LRP1B: variants seen among roughly 807,000 people sequenced by gnomAD.
LRP1B encodes LDL receptor related protein 1B, also known as low-density lipoprotein receptor-related protein 1B.
A neutral mutation model predicts 556.6 loss-of-function variants in LRP1B; 217 were observed. The observed-to-expected ratio is 0.39, with a 90% CI of 0.35 to 0.44. LRP1B has a LOEUF of 0.44. Ranked by LOEUF, LRP1B falls within the 20% of genes least tolerant of loss-of-function variation. The pLI is 1.00. For missense variants in LRP1B, 5,053 were observed against 5,620.8 expected (o/e 0.90, Z 3.23); for synonymous variants, 2,047 against 1,865.8 (o/e 1.10, Z -2.50).
chr2:140,720,978 G>A (rs1284276333), intron 35 of LRP1B, among the ~76,000 whole-genome samples: 1 of 152,000 alleles, frequency 6.6e-6, no homozygotes, highest in Non-Finnish European at 1.5e-5. Context: ...CATTTACCAT[G>A]AACATTTCAC....
intron 14 of LRP1B, among the ~76,000 whole-genome samples, chr2:141,011,204 G>GAA (rs10708669): frequency 4.2e-5 from 6 of 144,336 alleles, no homozygotes; most frequent in African/African-American, 1.5e-4. Context: ...TATCCATAGG[G>GAA]AAAAAAAAAA....
At chr2:140,730,049 A>G (rs1265782172) in intron 35 of LRP1B, among the ~76,000 whole-genome samples, 1 of 152,194 alleles carries the variant, frequency 6.6e-6, no homozygotes, top group African/African-American at 2.4e-5. Flanking sequence ...CTTCGTCCGT[A>G]TTCACCTAAC....
At chr2:141,574,629 T>G (rs1035766919) in intron 2 of LRP1B, among the ~76,000 whole-genome samples, 6 of 152,000 alleles carry the variant, frequency 3.9e-5, no homozygotes, top group Non-Finnish European at 5.9e-5. Context: ...GAGAAAGAAA[T>G]AAAGATTATT....
chr2:141,252,220 G>A lies in LRP1B; in HGVS notation c.463+2302C>T, dbSNP rs561461558. Among the ~76,000 whole-genome samples the A allele has an allele frequency of 8.0e-3, 1,102 of 137,430 alleles. 8 individuals are homozygous for A. The highest frequency in any genetic ancestry group is 0.013 in the Non-Finnish European group (829 of 63,636). The allele number at this position is 137,430 out of a possible 152,430, so 90.2% of individuals were successfully genotyped here. A position where few individuals can be genotyped will look rare whatever the true frequency, so the allele number is the denominator to read the frequency against. The stretch of plus-strand genomic sequence containing the variant: ...CCCCCCACCCCCTAAAAAAAAAAAG[G>A]AAAGAAAAGAAAAAGAGAAAGCTAC... On this transcript the variant is annotated intron_variant, in intron 4 of 90. Transcript: ENST00000389484.
chr2:140,502,102 G>T (rs1049184895), intron 54 of LRP1B, among the ~76,000 whole-genome samples: 1 of 151,952 alleles, frequency 6.6e-6, no homozygotes, highest in African/African-American at 2.4e-5. Flanking sequence ...GCTTGATCAT[G>T]AAAATTAATT....
intron 1 of LRP1B, among the ~76,000 whole-genome samples, chr2:141,822,352 A>T (rs1225106389): frequency 2.0e-5 from 3 of 152,132 alleles, no homozygotes; most frequent in Non-Finnish European, 4.4e-5. Flanking sequence ...TCAAAAGCCC[A>T]TTCAAATGAA....
intron 6 of LRP1B, among the ~76,000 whole-genome samples, chr2:141,193,248 A>AT (rs566614397): frequency 4.3e-4 from 66 of 152,118 alleles, no homozygotes; most frequent in African/African-American, 1.5e-3. Context: ...ACCCAGAGGA[A>AT]TATAAATCAT....
chr2:142,087,455 A>G (rs562604531), intron 1 of LRP1B, among the ~76,000 whole-genome samples: 2 of 151,964 alleles, frequency 1.3e-5, no homozygotes, highest in East Asian at 1.9e-4. Context: ...CTATTTCAGT[A>G]TGGACCTCCA....
At chr2:140,801,516 TACTTG>T (rs1301896700) in intron 32 of LRP1B, among the ~76,000 whole-genome samples, 2 of 151,808 alleles carry the variant, frequency 1.3e-5, no homozygotes, top group Non-Finnish European at 2.9e-5. Flanking sequence ...GGTAAAACAG[TACTTG>T]ACTTGAGTCA....
intron 7 of LRP1B, among the ~76,000 whole-genome samples, 186 bp downstream of exon 7, chr2:141,188,235 T>TA (rs1205372770): frequency 2.0e-5 from 3 of 152,000 alleles, no homozygotes; most frequent in African/African-American, 7.2e-5. Flanking sequence ...CATACACTAA[T>TA]AACTCACCAG....
chr2:140,970,304 G>C (rs1441322294), intron 18 of LRP1B, among the ~76,000 whole-genome samples: 1 of 152,030 alleles, frequency 6.6e-6, no homozygotes. Context: ...CTTTCTTCCA[G>C]TTGATCGAAT....
chr2:141,254,376 T>C (rs1684382016), intron 4 of LRP1B, 146 bp downstream of exon 4: 2 of 730,858 alleles, frequency 2.7e-6, no homozygotes, highest in South Asian at 1.8e-5. Context: ...TATGTTTTTG[T>C]TGGGGGGGCA....
At chr2:140,528,776 GA>G (rs952612429) in intron 47 of LRP1B, among the ~76,000 whole-genome samples, 46 of 148,614 alleles carry the variant, frequency 3.1e-4, no homozygotes, top group Admixed American at 2.0e-3. Flanking sequence ...ATCCTGTGAG[GA>G]AAAAAAAAAT....
At chr2:142,078,140 A>G (rs1037328421) in intron 1 of LRP1B, among the ~76,000 whole-genome samples, 1 of 152,262 alleles carries the variant, frequency 6.6e-6, no homozygotes, top group Admixed American at 6.5e-5. Context: ...ATATGCATAC[A>G]TCAGATTCAT....
intron 35 of LRP1B, among the ~76,000 whole-genome samples, chr2:140,754,151 A>G (rs1039176297): frequency 1.3e-5 from 2 of 152,222 alleles, no homozygotes; most frequent in African/African-American, 2.4e-5. Context: ...CAGAGTGTGC[A>G]GAGTTCAAGC....
At chr2:142,036,609 T>A (rs1703890635) in intron 1 of LRP1B, among the ~76,000 whole-genome samples, 1 of 151,688 alleles carries the variant, frequency 6.6e-6, no homozygotes, top group Non-Finnish European at 1.5e-5. Flanking sequence ...TTCTCTACAA[T>A]CTTATAAATT....
chr2:141,967,634 G>A (rs1333764259), intron 1 of LRP1B, among the ~76,000 whole-genome samples: 1 of 151,736 alleles, frequency 6.6e-6, no homozygotes, highest in Non-Finnish European at 1.5e-5. Flanking sequence ...CTATTGGTAG[G>A]AGATGAAAAC....
At chr2:140,303,011 TCA>T (rs1683899039) in intron 83 of LRP1B, among the ~76,000 whole-genome samples, 1 of 58,712 alleles carries the variant, frequency 1.7e-5, no homozygotes, top group South Asian at 7.3e-4. Flanking sequence ...TAAATCTCCT[TCA>T]TATATATATA....
intron 1 of LRP1B, among the ~76,000 whole-genome samples, chr2:141,908,521 C>T (rs1346802705): frequency 6.6e-6 from 1 of 151,902 alleles, no homozygotes; most frequent in Admixed American, 6.6e-5. Flanking sequence ...GTGCTGTGCT[C>T]ATAGTAAAAC....
Sources: allele counts gnomAD v4.1 joint callset (sites outside exome capture counted in the v4.1 genomes callset), GRCh38; gene constraint gnomAD v4.1.1; transcripts MANE v1.5; gene names NCBI Gene and HGNC (gene_info 2026-07-23, HGNC 2026-07-21).